Variants in SLC6A13 observed in about 807,000 individuals in gnomAD.
SLC6A13 encodes the protein solute carrier family 6 member 13.
In SLC6A13, 69 loss-of-function variants were observed where a neutral mutation model predicts 72.9. The observed-to-expected ratio is 0.95, with a 90% CI of 0.78 to 1.16. The LOEUF is 1.16. SLC6A13 is among the 50% of genes most tolerant of loss of function. The pLI is 0.00. For synonymous variants in SLC6A13, 303 were observed against 303.0 expected (o/e 1.00, Z 0.00); for missense variants, 735 against 760.5 (o/e 0.97, Z 0.39).
At chr12:239,990 C>G (rs1659045956) in intron 4 of SLC6A13, among the ~76,000 whole-genome samples, 1 of 152,062 alleles carries the variant, frequency 6.6e-6, no homozygotes, top group Non-Finnish European at 1.5e-5. Flanking sequence ...GACCCCCAGG[C>G]AATCCAAAGG....
intron 7 of SLC6A13, among the ~76,000 whole-genome samples, chr12:230,850 A>C (rs764408949): frequency 6.6e-6 from 1 of 152,218 alleles, no homozygotes; most frequent in Non-Finnish European, 1.5e-5. Context: ...AGAGGGACAT[A>C]ATAAGGTTAG....
intron 2 of SLC6A13, among the ~76,000 whole-genome samples, chr12:250,849 A>AAAAAAAC (rs1477070278): frequency 1.3e-5 from 2 of 150,902 alleles, no homozygotes; most frequent in Admixed American, 6.6e-5. Context: ...AAAAAAAAAA[A>AAAAAAAC]AAACCTAAAA....
intron 6 of SLC6A13, 143 bp downstream of exon 6, chr12:237,015 C>G (rs1941957251): frequency 2.3e-6 from 2 of 880,632 alleles, no homozygotes; most frequent in South Asian, 1.7e-5. Context: ...GGCGGAGAAT[C>G]AAGGAAGGGA....
At chr12:243,400 TACA>T (rs1331242786) in intron 3 of SLC6A13, among the ~76,000 whole-genome samples, 2 of 152,254 alleles carry the variant, frequency 1.3e-5, no homozygotes, top group African/African-American at 4.8e-5. Flanking sequence ...TGTCTTAAAA[TACA>T]ACAACATTGT....
chr12:259,493 C>G, intron 2 of SLC6A13: 11 of 1,311,640 alleles, frequency 8.4e-6, no homozygotes, highest in Non-Finnish European at 1.1e-5. Context: ...CCTTGAAAGG[C>G]AGGCATTATT....
chr12:235,442 G>GA (rs1424898031), intron 6 of SLC6A13, among the ~76,000 whole-genome samples: 1 of 152,144 alleles, frequency 6.6e-6, no homozygotes, highest in African/African-American at 2.4e-5. Flanking sequence ...CATTAATTGT[G>GA]AAAATTTAAT....
intron 7 of SLC6A13, among the ~76,000 whole-genome samples, chr12:228,584 C>G (rs1466613963): frequency 6.6e-6 from 1 of 152,162 alleles, no homozygotes; most frequent in Non-Finnish European, 1.5e-5. Context: ...TCCACAAAAC[C>G]CTCTATCCTT....
intron 13 of SLC6A13, 124 bp from the exon 14 acceptor site, chr12:221,670 A>G (rs903752216): frequency 9.3e-6 from 6 of 645,430 alleles, no homozygotes; most frequent in African/African-American, 9.2e-5. Flanking sequence ...GCTCTTCTGG[A>G]CCAATCAGCC....
intron 7 of SLC6A13, among the ~76,000 whole-genome samples, chr12:234,084 C>T (rs764490053): frequency 7.9e-5 from 12 of 152,142 alleles, no homozygotes; most frequent in Non-Finnish European, 1.2e-4. Context: ...CAGAAGTGAA[C>T]TCTGGTCCTA....
chr12:228,178 C>T (rs994766991), intron 7 of SLC6A13, among the ~76,000 whole-genome samples: 6 of 151,950 alleles, frequency 3.9e-5, no homozygotes, highest in East Asian at 1.9e-4. Context: ...GGCAAAAGGA[C>T]GAACAGAAAC....
chr12:221,409 G>A lies in SLC6A13; in HGVS notation c.1653C>T (p.Tyr551=), dbSNP rs554674869. ...SMVCIPAWSL[Y]RLGTLKGPFR... ...AGGGGCCCTTGAGGGTTCCGAGTCT[G>A]TAGAGGCTCCAGGCAGGAATGCAGA... Residue 551 remains tyrosine, a synonymous_variant, in exon 14 of 15, where the codon TAC becomes TAT. Transcript: ENST00000343164. 13 of 1,611,424 alleles carry A rather than the reference G, an allele frequency of 8.1e-6. No individual in the cohort carries two copies. In the South Asian group the frequency reaches 1.2e-4, roughly 15 times the overall value.
intron 7 of SLC6A13, among the ~76,000 whole-genome samples, chr12:232,355 G>T (rs958010947): frequency 2.0e-5 from 3 of 152,122 alleles, no homozygotes; most frequent in Admixed American, 1.3e-4. Flanking sequence ...TCTCTTGTGT[G>T]GGGAATCCAA....
chr12:251,449 C>A (rs576287233), intron 2 of SLC6A13, among the ~76,000 whole-genome samples: 2 of 152,206 alleles, frequency 1.3e-5, no homozygotes, highest in African/African-American at 4.8e-5. Context: ...CAACCCATAT[C>A]TTCACTGTAT....
chr12:234,335 G>A (rs1224459668), intron 7 of SLC6A13, among the ~76,000 whole-genome samples: 1 of 152,178 alleles, frequency 6.6e-6, no homozygotes, highest in Admixed American at 6.5e-5. Context: ...CCTCAGTTAT[G>A]GGAATTGCCC....
chr12:261,781 C>T (rs1435336584), intron 1 of SLC6A13, among the ~76,000 whole-genome samples: 1 of 152,124 alleles, frequency 6.6e-6, no homozygotes, highest in East Asian at 1.9e-4. Context: ...CAAAAATTAG[C>T]TGGGCATGGT....
At chr12:238,526 G>A (rs1942028199) in intron 4 of SLC6A13, among the ~76,000 whole-genome samples, 3 of 152,226 alleles carry the variant, frequency 2.0e-5, no homozygotes, top group African/African-American at 7.2e-5. Context: ...CATTACGTAG[G>A]ATTGATAAGA....
chr12:240,790 C>G (rs1464107404), intron 4 of SLC6A13, among the ~76,000 whole-genome samples: 2 of 152,124 alleles, frequency 1.3e-5, no homozygotes, highest in African/African-American at 4.8e-5. Flanking sequence ...GGTTTACTTT[C>G]CCTTTGAAAA....
chr12:262,316 G>A (rs1942952236), intron 1 of SLC6A13, among the ~76,000 whole-genome samples: 1 of 152,208 alleles, frequency 6.6e-6, no homozygotes, highest in African/African-American at 2.4e-5. Context: ...TGACTTCAGA[G>A]AAGTTAATGA....
chr12:253,843 G>T (rs140555355), intron 2 of SLC6A13: 2 of 152,418 alleles, frequency 1.3e-5, no homozygotes, highest in African/African-American at 4.8e-5. Context: ...CCTGAGACTA[G>T]TGGAAAACTT....
Sources: allele counts gnomAD v4.1 joint callset (sites outside exome capture counted in the v4.1 genomes callset), GRCh38; gene constraint gnomAD v4.1.1; transcripts MANE v1.5; gene names NCBI Gene and HGNC (gene_info 2026-07-23, HGNC 2026-07-21).